The following NAE1 variants were observed in gnomAD, a reference collection of about 807,000 sequenced individuals.
NAE1 encodes the protein NEDD8 activating enzyme E1 subunit 1, also known as NEDD8-activating enzyme E1 regulatory subunit.
A neutral mutation model predicts 88.0 loss-of-function variants in NAE1; 59 were observed. That is an observed-to-expected ratio of 0.67 (90% CI 0.54 to 0.83). The LOEUF (loss-of-function observed/expected upper bound fraction) is 0.83. Ranked by LOEUF, NAE1 falls within the 40% of genes least tolerant of loss-of-function variation. The pLI, the probability that NAE1 is intolerant of heterozygous loss-of-function variation, is 0.00. For missense variants in NAE1, 554 were observed against 632.8 expected (o/e 0.88, Z 1.34); for synonymous variants, 186 against 208.9 (o/e 0.89, Z 0.95).
At chr16:66,818,461 CA>C in intron 8 of NAE1, 66 bp downstream of exon 8, 1 of 1,256,208 alleles carries the variant, frequency 8.0e-7, no homozygotes. Context: ...TAGTGTAATT[CA>C]AAAACCTTAG....
intron 3 of NAE1, chr16:66,826,243 C>G (rs563742825): frequency 2.4e-6 from 1 of 424,182 alleles, no homozygotes. Flanking sequence ...CGGATCAATA[C>G]AAGAGCTTAG....
At chr16:66,816,813 T>C (rs1960060591) in intron 10 of NAE1, 141 bp from the exon 11 acceptor site, 7 of 1,321,152 alleles carry the variant, frequency 5.3e-6, no homozygotes, top group Non-Finnish European at 6.2e-6. Context: ...CTTAAAACTA[T>C]ACAAGGCGTG....
At position 66,830,955 on chromosome 16, in the gene NAE1, T is replaced by C. The variant is rs1032562763; in HGVS notation, c.-56A>G. Reference sequence around the variant, plus strand: ...GCCCCTGCGGAGCGCCGCCACCAGCTCCACAAGCGCGCAGGCGCACTGAGC... The same window carrying C: ...GCCCCTGCGGAGCGCCGCCACCAGCCCCACAAGCGCGCAGGCGCACTGAGC... On this transcript the variant is annotated 5_prime_UTR_variant, in exon 1 of 20. Coordinates refer to ENST00000290810, the MANE Select transcript of NAE1 (RefSeq NM_003905.4). 15 of 1,457,046 alleles carry C rather than the reference T, an allele frequency of 1.0e-5. No homozygotes were observed. Among genetic ancestry groups the C allele is most frequent in the Non-Finnish European group, 1.4e-5 (15 of 1,107,440 alleles). The allele number at this position is 1,457,046 out of a possible 1,614,324, so 90.3% of individuals were successfully genotyped here.
intron 1 of NAE1, among the ~76,000 whole-genome samples, chr16:66,829,690 G>A (rs1011729267): frequency 5.3e-5 from 8 of 152,158 alleles, no homozygotes; most frequent in Non-Finnish European, 8.8e-5. Context: ...AGACACAGAA[G>A]ACGCTCAATA....
At chr16:66,810,862 A>G in intron 13 of NAE1, 90 bp from the exon 14 acceptor site, 1 of 1,126,604 alleles carries the variant, frequency 8.9e-7, no homozygotes, top group South Asian at 1.3e-5. Flanking sequence ...TTTCCTTTTC[A>G]TGAAAAAACA....
intron 8 of NAE1, among the ~76,000 whole-genome samples, chr16:66,817,818 G>A (rs1400619047): frequency 3.3e-5 from 5 of 152,120 alleles, no homozygotes; most frequent in African/African-American, 1.2e-4. Context: ...AACCAAATAA[G>A]CAACTGCATG....
At chr16:66,824,958 T>G (rs1960404826) in intron 3 of NAE1, 73 bp from the exon 4 acceptor site, 1 of 1,320,162 alleles carries the variant, frequency 7.6e-7, no homozygotes, top group Admixed American at 2.0e-5. Context: ...TGTAATAGCA[T>G]GCATATTTCA....
chr16:66,811,636 C>G (rs1263236420), intron 13 of NAE1, among the ~76,000 whole-genome samples: 1 of 152,146 alleles, frequency 6.6e-6, no homozygotes. Flanking sequence ...CCTTGTGGCA[C>G]ATTTCACCAC....
intron 7 of NAE1, among the ~76,000 whole-genome samples, chr16:66,819,632 G>A (rs1048307297): frequency 7.2e-5 from 11 of 152,158 alleles, no homozygotes; most frequent in Non-Finnish European, 1.6e-4. Flanking sequence ...CATATTAGAT[G>A]AGCTCTCTAA....
chr16:66,830,876 G>T lies in NAE1; in HGVS notation c.24C>A (p.Leu8=), dbSNP rs765488361. ...GCTGCCGGTCGTACTTCTGCTCCTT[G>T]AGCAGCTTTCCCAGCTGCGCCATGG... MAQLGKL[L]KEQKYDRQLR... The change falls in exon 1 of 20, where the codon CTC becomes CTA. Residue 8 remains leucine (L), a synonymous_variant. Coordinates refer to ENST00000290810, the MANE Select transcript of NAE1 (RefSeq NM_003905.4). 1.3e-4 allele frequency: 202 copies of T among 1,534,580 alleles called. No individual in the cohort carries two copies. The highest frequency in any genetic ancestry group is 1.7e-4 in the Non-Finnish European group (190 of 1,150,122).
rs530951488 is a variant in NAE1, at chr16:66,808,367, CAA to C, written c.1330+152_1330+153del. ...TTTGCAAATAGTTAAACTTAAAAAA[CAA>C]AAGGTGGTTCTTCACTGGGGAACGT... On this transcript the variant is annotated intron_variant, in intron 17 of 19. Coordinates refer to ENST00000290810, the MANE Select transcript of NAE1 (RefSeq NM_003905.4). 3.1e-3 allele frequency among the ~76,000 whole-genome samples: 470 copies of C among 152,226 alleles called. 6 individuals carry two copies. The highest frequency in any genetic ancestry group is 0.011 in the African/African-American group (453 of 41,542).
At chr16:66,803,495 T>C (rs747156435) in intron 19 of NAE1, among the ~76,000 whole-genome samples, 2 of 152,210 alleles carry the variant, frequency 1.3e-5, no homozygotes, top group Non-Finnish European at 2.9e-5. Context: ...GCCAGACCGC[T>C]ATATTTACTC....
At chr16:66,808,761 C>T (rs1039017025) in intron 16 of NAE1, 148 bp from the exon 17 acceptor site, 131 of 678,100 alleles carry the variant, frequency 1.9e-4, no homozygotes, top group Middle Eastern at 3.9e-4. Context: ...GACTTTAACT[C>T]ATACATATCA....
chr16:66,823,480 TA>T, intron 5 of NAE1, 48 bp downstream of exon 5: 3 of 1,518,770 alleles, frequency 2.0e-6, no homozygotes, highest in Non-Finnish European at 2.7e-6. Flanking sequence ...TTGAATTATT[TA>T]AAAAATTGTA....
rs897559527 is a variant in NAE1, at chr16:66,822,666, A to T, written c.401+561T>A. 2.2e-3 allele frequency among the ~76,000 whole-genome samples: 319 copies of T among 146,940 alleles called. 1 individual carries two copies. Among genetic ancestry groups the T allele is most frequent in the Middle Eastern group, 6.8e-3 (2 of 292 alleles). ...AAGAATTTCTTTTATTTATTTATTT[A>T]TTTATTTATTTTTTTTTTTTGAGAC... On this transcript the variant is annotated intron_variant, in intron 6 of 19. Coordinates refer to ENST00000290810, the MANE Select transcript of NAE1 (RefSeq NM_003905.4).
At chr16:66,807,908 CTTT>C (rs879516167) in intron 17 of NAE1, among the ~76,000 whole-genome samples, 1 of 145,020 alleles carries the variant, frequency 6.9e-6, no homozygotes, top group African/African-American at 2.5e-5. Flanking sequence ...TAGTAGCATA[CTTT>C]TTTTTTTTTT....
chr16:66,827,863 T>C, intron 1 of NAE1: 2 of 828,798 alleles, frequency 2.4e-6, no homozygotes, highest in Non-Finnish European at 3.8e-6. Context: ...TTTTTGTTTT[T>C]GTTTTTGATA....
chr16:66,818,288 T>C (rs769656808), intron 8 of NAE1, among the ~76,000 whole-genome samples: 2 of 152,204 alleles, frequency 1.3e-5, no homozygotes, highest in Non-Finnish European at 2.9e-5. Context: ...TCCAATTTCT[T>C]GACCTGGGTA....
At chr16:66,819,216 C>T (rs1960161047) in intron 7 of NAE1, among the ~76,000 whole-genome samples, 1 of 152,158 alleles carries the variant, frequency 6.6e-6, no homozygotes, top group Admixed American at 6.5e-5. Context: ...ACCCTAGGTA[C>T]AGATAGCAAC....
Sources: gnomAD v4.1 joint callset for allele counts (sites outside exome capture counted in the v4.1 genomes callset) on GRCh38, gnomAD v4.1.1 for gene constraint, MANE v1.5 for transcripts, NCBI Gene and HGNC (gene_info 2026-07-23, HGNC 2026-07-21) for gene names.